The following HPCAL1 variants were observed in gnomAD, a reference collection of about 807,000 sequenced individuals.
HPCAL1 encodes the protein hippocalcin like 1, also known as hippocalcin-like protein 1.
A neutral mutation model predicts 17.1 loss-of-function variants in HPCAL1; 8 were observed. The ratio of observed to expected loss-of-function variants is 0.47; its 90% CI spans 0.27 to 0.84. The LOEUF (loss-of-function observed/expected upper bound fraction) is 0.84. HPCAL1 is among the 40% of genes least tolerant of loss of function. The pLI is 0.13. For missense variants in HPCAL1, 165 were observed against 271.1 expected (o/e 0.61, Z 2.75); for synonymous variants, 112 against 111.4 (o/e 1.01, Z -0.03).
Position 10,335,183 on chromosome 2 carries a change from G to A in HPCAL1, c.-111+32006G>A, listed in dbSNP as rs143741972. ...CCTCGGGTGTTGGCTGGACTTAACT[G>A]ACTTGATTCTAACAAATAGAACACA... On this transcript the variant is annotated intron_variant, in intron 1 of 4. Coordinates refer to ENST00000307845, the MANE Select transcript of HPCAL1 (RefSeq NM_002149.4). Among the ~76,000 whole-genome samples the A allele has an allele frequency of 6.4e-3, 978 of 152,250 alleles. 6 individuals carry two copies. Among genetic ancestry groups the A allele is most frequent in the South Asian group, 0.019 (90 of 4,818 alleles).
rs989507977 is a variant in HPCAL1, at chr2:10,302,966, C to T, written c.-322C>T. 1 of 152,094 alleles carries T rather than the reference C, an allele frequency of 6.6e-6. No homozygotes were observed. Among genetic ancestry groups the T allele is most frequent in the South Asian group, 2.1e-4 (1 of 4,852 alleles). 9.4% of individuals were successfully genotyped at this position (152,094 alleles called of 1,614,324 possible). A position where few individuals can be genotyped will look rare whatever the true frequency, so the allele number is the denominator to read the frequency against. On this transcript the variant is annotated 5_prime_UTR_variant, in exon 1 of 5. Coordinates refer to ENST00000307845, the MANE Select transcript of HPCAL1 (RefSeq NM_002149.4). ...ACTGACGGGCGCCTCCACCTTGCTC[C>T]CTCCCTGGCTGCCGGCTTCCTTTTG... is the stretch of plus-strand genomic sequence containing the variant.
chr2:10,422,197 G>A (rs1671106742), intron 3 of HPCAL1, among the ~76,000 whole-genome samples: 1 of 152,198 alleles, frequency 6.6e-6, no homozygotes, highest in African/African-American at 2.4e-5. Flanking sequence ...CTGGCCGGCT[G>A]GGTGGTGTTT....
chr2:10,419,666 T>A lies in HPCAL1; in HGVS notation c.-24-68T>A. On this transcript the variant is annotated intron_variant, in intron 2 of 4. Transcript: ENST00000307845. This position sits in a 1 kb window ranked among gnomAD's most constrained non-coding sequence, Gnocchi z 5.0. ...CACAGCGATGGGCTTATTTGGTCTC[T>A]CCGGCACATGGCTCAGCCCTGCTCC... 6.7e-7 allele frequency: 1 copy of A among 1,483,354 alleles called. No individual in the cohort carries two copies. Among genetic ancestry groups the A allele is most frequent in the African/African-American group, 1.4e-5 (1 of 71,620 alleles). 91.9% of individuals were successfully genotyped at this position (1,483,354 alleles called of 1,614,324 possible).
At chr2:10,390,118 A>T (rs1437037839) in intron 1 of HPCAL1, among the ~76,000 whole-genome samples, 2 of 152,202 alleles carry the variant, frequency 1.3e-5, no homozygotes. Context: ...CCCAGGAACC[A>T]GGGGTTTGGT....
At chr2:10,347,350 A>G (rs1665537139) in intron 1 of HPCAL1, among the ~76,000 whole-genome samples, 2 of 152,268 alleles carry the variant, frequency 1.3e-5, no homozygotes, top group African/African-American at 2.4e-5. Flanking sequence ...GGGAAGGCCC[A>G]TGTGCTGGGA....
At chr2:10,360,315 A>T (rs1187591752) in intron 1 of HPCAL1, among the ~76,000 whole-genome samples, 1 of 152,204 alleles carries the variant, frequency 6.6e-6, no homozygotes. Flanking sequence ...GTTTCATGGG[A>T]GACTTCTCTC....
In HPCAL1 at chr2:10,304,020, A is replaced by G. The variant is rs1662448584; in HGVS notation, c.-111+843A>G. 6.6e-6 allele frequency: 1 copy of G among 152,104 alleles called. No homozygotes were observed. Among genetic ancestry groups the G allele is most frequent in the African/African-American group, 2.4e-5 (1 of 41,382 alleles). 9.4% of individuals were successfully genotyped at this position (152,104 alleles called of 1,614,324 possible). A position where few individuals can be genotyped will look rare whatever the true frequency, so the allele number is the denominator to read the frequency against. ...TCCCCTTTATCGTGGGTGGGGCCTT[A>G]CATTTTCCCCGGGCGTGTTTTGTGC... is the stretch of plus-strand genomic sequence containing the variant. On this transcript the variant is annotated intron_variant, in intron 1 of 4. Coordinates refer to ENST00000307845, the MANE Select transcript of HPCAL1 (RefSeq NM_002149.4). The surrounding 1 kb of genome is among the most constrained non-coding windows in gnomAD (Gnocchi z 4.1).
At chr2:10,318,437 G>C (rs936298232) in intron 1 of HPCAL1, among the ~76,000 whole-genome samples, 2 of 152,208 alleles carry the variant, frequency 1.3e-5, no homozygotes, top group African/African-American at 4.8e-5. Context: ...TGCAGTCCCG[G>C]TGCCGGACAG....
chr2:10,312,491 A>G (rs1663047373), intron 1 of HPCAL1, among the ~76,000 whole-genome samples: 1 of 149,256 alleles, frequency 6.7e-6, no homozygotes, highest in African/African-American at 2.5e-5. Flanking sequence ...CATCATCACC[A>G]TTCACCGTCA....
chr2:10,333,942 G>A (rs1315953721), intron 1 of HPCAL1, among the ~76,000 whole-genome samples: 5 of 152,176 alleles, frequency 3.3e-5, no homozygotes, highest in African/African-American at 9.6e-5. Flanking sequence ...TAACAGAAAT[G>A]TGGGTATGTT....
chr2:10,419,865 G>A lies in HPCAL1; in HGVS notation c.108G>A (p.Lys36=), dbSNP rs762644018. The A allele has an allele frequency of 8.1e-6, 13 of 1,613,806 alleles. No individual in the cohort carries two copies. In the South Asian group the frequency reaches 1.2e-4, roughly 15 times the overall value. Residue 36 remains lysine (K), a synonymous_variant, in exon 3 of 5, where the codon AAG becomes AAA. Transcript: ENST00000307845. The surrounding 1 kb of genome is among the most constrained non-coding windows in gnomAD (Gnocchi z 5.0). Reference sequence around the variant, plus strand: ...AGGAGTGGTACAAGGGCTTCCTCAAGGACTGCCCCACCGGCCACCTGACCG... The same window carrying A: ...AGGAGTGGTACAAGGGCTTCCTCAAAGACTGCCCCACCGGCCACCTGACCG... ...ELQEWYKGFL[K]DCPTGHLTVD...
At chr2:10,411,440 C>T (rs1444761602) in intron 2 of HPCAL1, among the ~76,000 whole-genome samples, 3 of 152,216 alleles carry the variant, frequency 2.0e-5, no homozygotes, top group African/African-American at 4.8e-5. Context: ...ACTGTGTCCT[C>T]CCCTGGATGT....
chr2:10,394,943 G>A lies in HPCAL1; in HGVS notation c.-110-1892G>A, dbSNP rs1023713625. Among the ~76,000 whole-genome samples the A allele has an allele frequency of 6.6e-6, 1 of 151,684 alleles. No individual in the cohort carries two copies. Among genetic ancestry groups the A allele is most frequent in the Non-Finnish European group, 1.5e-5 (1 of 67,972 alleles). On this transcript the variant is annotated intron_variant, in intron 1 of 4. Coordinates refer to ENST00000307845, the MANE Select transcript of HPCAL1 (RefSeq NM_002149.4). The surrounding 1 kb of genome is among the most constrained non-coding windows in gnomAD (Gnocchi z 5.0). ...CCCAGGTAGCTGGGACTACAGGCACGCACCACCACGCATGGCTAATTTTTT... is the reference window on the plus strand; with the variant it reads ...CCCAGGTAGCTGGGACTACAGGCACACACCACCACGCATGGCTAATTTTTT...
chr2:10,380,659 C>T (rs1558502118), intron 1 of HPCAL1, among the ~76,000 whole-genome samples: 1 of 152,046 alleles, frequency 6.6e-6, no homozygotes, highest in South Asian at 2.1e-4. Flanking sequence ...CCCATTTTCT[C>T]TTTCTCTCTG....
At chr2:10,393,452 A>G (rs868460683) in intron 1 of HPCAL1, among the ~76,000 whole-genome samples, 2 of 152,356 alleles carry the variant, frequency 1.3e-5, no homozygotes, top group African/African-American at 4.8e-5. Flanking sequence ...TTTGTCACAG[A>G]TGGGGAAACT....
rs1414688244 is a variant in HPCAL1, at chr2:10,344,237, C to T, written c.-111+41060C>T. On this transcript the variant is annotated intron_variant, in intron 1 of 4. Transcript: ENST00000307845. This position sits in a 1 kb window ranked among gnomAD's most constrained non-coding sequence, Gnocchi z 4.9. ...GACGTGGTCTTTGATGCTTGCTTTC[C>T]CCATAGGCATCACTTCGACCAGCGT... is the stretch of plus-strand genomic sequence containing the variant. Among the ~76,000 whole-genome samples the T allele has an allele frequency of 6.6e-6, 1 of 152,118 alleles. No homozygotes were observed. The highest frequency in any genetic ancestry group is 1.5e-5 in the Non-Finnish European group (1 of 68,016).
intron 2 of HPCAL1, among the ~76,000 whole-genome samples, chr2:10,410,288 C>T (rs982601518): frequency 3.3e-5 from 5 of 152,154 alleles, no homozygotes; most frequent in Admixed American, 2.6e-4. Context: ...CCCTCGGTTC[C>T]CAGGAGCCTC....
rs777672767 is a variant in HPCAL1 at position 10,304,953 on chromosome 2, G to T, written c.-111+1776G>T. 4.6e-5 allele frequency among the ~76,000 whole-genome samples: 7 copies of T among 152,190 alleles called. No individual in the cohort carries two copies. The highest frequency in any genetic ancestry group is 4.1e-4 in the South Asian group (2 of 4,824). ...GCTACGTGATGGTGTTCCCAGAGAG[G>T]CGGGCTGCTTTGCGGGCTTTTAGGA... On this transcript the variant is annotated intron_variant, in intron 1 of 4. Transcript: ENST00000307845. This position sits in a 1 kb window ranked among gnomAD's most constrained non-coding sequence, Gnocchi z 4.1.
chr2:10,328,077 G>A (rs1414523050), intron 1 of HPCAL1, among the ~76,000 whole-genome samples: 4 of 152,310 alleles, frequency 2.6e-5, no homozygotes, highest in Non-Finnish European at 2.9e-5. Context: ...TATGTGATGC[G>A]GAAAGACAGC....
Sources: gnomAD v4.1 joint callset for allele counts (sites outside exome capture counted in the v4.1 genomes callset) on GRCh38, gnomAD v4.1.1 for gene constraint, Gnocchi (gnomAD v3.1) non-coding constraint, MANE v1.5 for transcripts, NCBI Gene and HGNC (gene_info 2026-07-23, HGNC 2026-07-21) for gene names.